The following ASAP1 variants were observed in gnomAD, a reference collection of about 807,000 sequenced individuals.
ASAP1 encodes the protein ArfGAP with SH3 domain, ankyrin repeat and PH domain 1.
A neutral mutation model predicts 145.2 loss-of-function variants in ASAP1; 43 were observed. The observed-to-expected ratio is 0.30, with a 90% CI of 0.23 to 0.38. ASAP1 has a LOEUF of 0.38. Among genes scored for constraint, ASAP1 ranks in the 10% least tolerant of loss-of-function variants. The probability of loss-of-function intolerance (pLI) is 1.00; values close to 1 mark genes in which losing one functional copy is unlikely to be tolerated. For synonymous variants in ASAP1, 546 were observed against 515.5 expected (o/e 1.06, Z -0.80); for missense variants, 1,018 against 1,355.3 (o/e 0.75, Z 3.91).
chr8:130,271,181 C>T (rs1370338343), intron 3 of ASAP1, among the ~76,000 whole-genome samples: 1 of 152,168 alleles, frequency 6.6e-6, no homozygotes, highest in Non-Finnish European at 1.5e-5. Flanking sequence ...AGGGGCTGCT[C>T]GCTCCTAAAA....
intron 3 of ASAP1, among the ~76,000 whole-genome samples, chr8:130,325,111 G>A (rs983071746): frequency 2.6e-5 from 4 of 152,188 alleles, no homozygotes; most frequent in African/African-American, 9.7e-5. Flanking sequence ...TCTGGGGGGC[G>A]GAAGAGAATA....
chr8:130,192,013 C>CAGA lies in ASAP1; in HGVS notation c.406-3833_406-3831dup, dbSNP rs1303113379. On this transcript the variant is annotated intron_variant, in intron 5 of 29. Transcript: ENST00000518721. ...CGGAAGGTTTCCCAATGTGTGTCAC[C>CAGA]AGAGGGCTTCTCTGGTGACACACAT... 9.9e-5 allele frequency among the ~76,000 whole-genome samples: 15 copies of CAGA among 151,954 alleles called. 1 individual carries two copies. In the South Asian group the frequency reaches 3.1e-3, roughly 32 times the overall value.
intron 23 of ASAP1, among the ~76,000 whole-genome samples, chr8:130,112,574 G>A (rs1342033064): frequency 6.6e-6 from 1 of 152,228 alleles, no homozygotes; most frequent in African/African-American, 2.4e-5. Flanking sequence ...AGCAGTGTCA[G>A]AAGCACAGTA....
At chr8:130,092,556 G>A (rs954403048) in intron 24 of ASAP1, among the ~76,000 whole-genome samples, 1 of 152,174 alleles carries the variant, frequency 6.6e-6, no homozygotes. Flanking sequence ...GAAGTCAGGA[G>A]TTCGAGGATA....
intron 3 of ASAP1, among the ~76,000 whole-genome samples, chr8:130,238,345 T>C (rs1477231681): frequency 4.6e-5 from 7 of 152,114 alleles, no homozygotes. Flanking sequence ...AAAATGACAT[T>C]AACAGAGACA....
chr8:130,067,790 A>G (rs1344283998), intron 27 of ASAP1, among the ~76,000 whole-genome samples: 2 of 152,212 alleles, frequency 1.3e-5, no homozygotes, highest in African/African-American at 4.8e-5. Context: ...ATAAAAGTGT[A>G]CATAGCACAC....
At chr8:130,139,935 A>AC (rs1586419959) in intron 13 of ASAP1, among the ~76,000 whole-genome samples, 1 of 149,886 alleles carries the variant, frequency 6.7e-6, no homozygotes, top group East Asian at 2.0e-4. Context: ...AAAAAAAAAA[A>AC]CAACAAAAAA....
chr8:130,142,859 C>T (rs2097615692), intron 13 of ASAP1, among the ~76,000 whole-genome samples: 1 of 151,550 alleles, frequency 6.6e-6, no homozygotes, highest in Non-Finnish European at 1.5e-5. Flanking sequence ...CCAGTTAGAT[C>T]TCTATTTCAC....
intron 1 of ASAP1, among the ~76,000 whole-genome samples, chr8:130,408,252 G>A (rs73425601): frequency 6.6e-6 from 1 of 152,208 alleles, no homozygotes; most frequent in Non-Finnish European, 1.5e-5. Flanking sequence ...ATTTCTGGTT[G>A]TGTCTGTGAG....
intron 25 of ASAP1, chr8:130,083,097 G>C (rs1465683142): frequency 3.3e-5 from 5 of 152,224 alleles, no homozygotes; most frequent in Non-Finnish European, 7.3e-5. Context: ...CAACAGGGCT[G>C]CAAAGGCCCT....
intron 3 of ASAP1, among the ~76,000 whole-genome samples, chr8:130,292,201 G>A (rs748936033): frequency 1.4e-4 from 22 of 152,130 alleles, no homozygotes; most frequent in Admixed American, 2.6e-4. Context: ...ATGCATACAC[G>A]CATTCATTCA....
chr8:130,149,557 C>T (rs900893111), intron 13 of ASAP1, among the ~76,000 whole-genome samples: 1 of 152,148 alleles, frequency 6.6e-6, no homozygotes, highest in South Asian at 2.1e-4. Flanking sequence ...TAAATGCATA[C>T]TTGGCCTTCT....
rs541581183 is a variant in ASAP1 at position 130,281,195 on chromosome 8, T to C, written c.187-44201A>G. On this transcript the variant is annotated intron_variant, in intron 3 of 29. Transcript: ENST00000518721. ...CTTATCTGTAAAACTGGAAATGATA[T>C]GTACCCCCTCACAAAGGATGCTGGG... is the stretch of plus-strand genomic sequence containing the variant. 2.0e-5 allele frequency among the ~76,000 whole-genome samples: 3 copies of C among 152,284 alleles called. No homozygotes were observed. The South Asian group carries it at 6.2e-4, about 32-fold the overall frequency.
intron 3 of ASAP1, among the ~76,000 whole-genome samples, chr8:130,300,149 C>CAGAGAGAGAGAGAG (rs1248977728): frequency 3.3e-4 from 29 of 88,722 alleles, no homozygotes; most frequent in African/African-American, 1.3e-3. Flanking sequence ...CACACACACA[C>CAGAGAGAGAGAGAG]ACACAGAGAG....
At chr8:130,249,579 C>A (rs1352781403) in intron 3 of ASAP1, among the ~76,000 whole-genome samples, 1 of 152,174 alleles carries the variant, frequency 6.6e-6, no homozygotes, top group Non-Finnish European at 1.5e-5. Context: ...TTCACTGCCC[C>A]CCTTCCCCAA....
intron 5 of ASAP1, among the ~76,000 whole-genome samples, chr8:130,202,052 C>A (rs1423361877): frequency 6.6e-6 from 1 of 152,140 alleles, no homozygotes; most frequent in African/African-American, 2.4e-5. Context: ...GACAGGAGGT[C>A]AAAGCCATCT....
intron 24 of ASAP1, among the ~76,000 whole-genome samples, chr8:130,097,363 C>T (rs1055405833): frequency 1.3e-5 from 2 of 152,066 alleles, no homozygotes; most frequent in Non-Finnish European, 2.9e-5. Context: ...ATCTGTTCTT[C>T]ACCGTCCTCC....
intron 14 of ASAP1, among the ~76,000 whole-genome samples, chr8:130,135,420 G>A (rs1295937969): frequency 4.6e-5 from 7 of 152,148 alleles, no homozygotes; most frequent in Non-Finnish European, 1.0e-4. Flanking sequence ...AGGAGGTTGA[G>A]GCTGCAGTGA....
chr8:130,137,455 C>G (rs1255831053), intron 13 of ASAP1, among the ~76,000 whole-genome samples: 2 of 152,160 alleles, frequency 1.3e-5, no homozygotes, highest in Non-Finnish European at 2.9e-5. Flanking sequence ...TGGAACCTAC[C>G]CATAACTAAG....
Sources: gnomAD v4.1 joint callset for allele counts (sites outside exome capture counted in the v4.1 genomes callset) on GRCh38, gnomAD v4.1.1 for gene constraint, MANE v1.5 for transcripts, NCBI Gene and HGNC (gene_info 2026-07-23, HGNC 2026-07-21) for gene names.